The following RAB33A variants were observed in gnomAD, a reference collection of about 807,000 sequenced individuals.
RAB33A encodes ras-related protein Rab-33A.
RAB33A carries 6 observed loss-of-function variants against 12.0 expected under a neutral mutation model. That is an observed-to-expected ratio of 0.50 (90% CI 0.27 to 0.99). RAB33A has a LOEUF of 0.99. RAB33A is among the 50% of genes least tolerant of loss of function. The pLI is 0.11. For missense variants in RAB33A, 109 were observed against 192.0 expected, an observed-to-expected ratio of 0.57 and a Z score of 2.55; for synonymous variants, 70 against 82.4, an observed-to-expected ratio of 0.85 and a Z score of 0.81.
At chrX:130,184,159 G>T in intron 1 of RAB33A, 126 bp from the exon 2 acceptor site, 1 of 620,411 alleles carries the variant, frequency 1.6e-6, no homozygotes, top group Non-Finnish European at 2.5e-6. Flanking sequence ...AAAGTGCTGG[G>T]ATTATAGGCG....
At chrX:130,126,657 G>A in the RAB33A span, among the ~76,000 whole-genome samples, 1 of 111,547 alleles carries the variant, frequency 9.0e-6, no homozygotes, top group East Asian at 2.8e-4. Context: ...GAGATCAGAG[G>A]TTACAAGACA....
At chrX:130,168,133 C>T (rs753343353), upstream of RAB33A, among the ~76,000 whole-genome samples, 3 of 108,129 alleles carry the variant, frequency 2.8e-5, no homozygotes, top group African/African-American at 6.8e-5. Context: ...GCAGTGATTG[C>T]TCCCGTGCAC....
chrX:130,126,289 C>T, the RAB33A span, among the ~76,000 whole-genome samples: 2 of 111,315 alleles, frequency 1.8e-5, no homozygotes, highest in African/African-American at 3.3e-5. Flanking sequence ...GTCAGGAGTT[C>T]GAGACCAGCC....
chrX:130,150,436 C>T, the RAB33A span, among the ~76,000 whole-genome samples: 3 of 96,236 alleles, frequency 3.1e-5, no homozygotes, highest in Admixed American at 1.1e-4. Flanking sequence ...CCCGGGTTCA[C>T]GCCATTCTCC....
the RAB33A span, among the ~76,000 whole-genome samples, chrX:130,114,428 C>T: frequency 8.9e-6 from 1 of 112,370 alleles, no homozygotes; most frequent in Admixed American, 9.4e-5. Flanking sequence ...CCACACGGCT[C>T]GCCGCTCTTC....
At chrX:130,154,244 G>T in the RAB33A span, among the ~76,000 whole-genome samples, 1 of 112,007 alleles carries the variant, frequency 8.9e-6, no homozygotes, top group Non-Finnish European at 1.9e-5. Context: ...TCTAAGGCAG[G>T]AGAAAGGAAC....
At chrX:130,143,696 CA>C in the RAB33A span, among the ~76,000 whole-genome samples, 91 of 99,687 alleles carry the variant, frequency 9.1e-4, 1 homozygote, top group Admixed American at 2.3e-3. Flanking sequence ...ACTAAAAAGA[CA>C]AAAAAAAAAA....
the RAB33A span, among the ~76,000 whole-genome samples, chrX:130,123,197 A>G: frequency 6.2e-5 from 7 of 112,097 alleles, no homozygotes; most frequent in African/African-American, 2.3e-4. Flanking sequence ...TGAAGGTGAG[A>G]GATGACCTAG....
At chrX:130,146,629 G>GA in the RAB33A span, among the ~76,000 whole-genome samples, 1 of 110,015 alleles carries the variant, frequency 9.1e-6, no homozygotes, top group Non-Finnish European at 1.9e-5. Flanking sequence ...TCACTAATGA[G>GA]AAAAAAAATT....
chrX:130,158,802 T>G, the RAB33A span, among the ~76,000 whole-genome samples: 2 of 110,437 alleles, frequency 1.8e-5, no homozygotes, highest in Admixed American at 9.7e-5. Flanking sequence ...TGGACAAGCT[T>G]AGTCTAGAGG....
At chrX:130,133,996 A>T in the RAB33A span, among the ~76,000 whole-genome samples, 8 of 110,869 alleles carry the variant, frequency 7.2e-5, no homozygotes, top group Admixed American at 7.7e-4. Context: ...TAATCCCAGC[A>T]CTTTGGGAGA....
chrX:130,165,604 G>T, the RAB33A span: 1 of 1,203,738 alleles, frequency 8.3e-7, no homozygotes, highest in Non-Finnish European at 1.1e-6. Flanking sequence ...CCGCACCAAG[G>T]GCACCAGCTT....
intron 1 of RAB33A, among the ~76,000 whole-genome samples, chrX:130,174,560 A>G (rs745429568): frequency 8.9e-6 from 1 of 112,561 alleles, no homozygotes; most frequent in Admixed American, 9.4e-5. Context: ...ATACATGCCA[A>G]AGCCATGCTT....
upstream of RAB33A, chrX:130,171,939 GACACAC>G: frequency 1.2e-6 from 1 of 835,406 alleles, no homozygotes. Flanking sequence ...CACACGGGCG[GACACAC>G]ACACACGCGC....
the RAB33A span, among the ~76,000 whole-genome samples, chrX:130,143,733 G>A: frequency 6.4e-5 from 7 of 110,227 alleles, no homozygotes; most frequent in African/African-American, 2.3e-4. Flanking sequence ...GGCGCATGCA[G>A]CTACTTGGGA....
At chrX:130,134,433 C>G in the RAB33A span, among the ~76,000 whole-genome samples, 1 of 110,606 alleles carries the variant, frequency 9.0e-6, no homozygotes, top group Admixed American at 9.7e-5. Flanking sequence ...GAAATGTTTT[C>G]TTAGATTTCT....
At chrX:130,152,092 GGAAGA>G in the RAB33A span, among the ~76,000 whole-genome samples, 1,230 of 105,230 alleles carry the variant, frequency 0.012, 7 homozygotes, top group African/African-American at 0.019. Flanking sequence ...TCCAAAAAAG[GGAAGA>G]GAAGAGAAGA....
At chrX:130,158,704 T>TAAA in the RAB33A span, among the ~76,000 whole-genome samples, 5 of 44,064 alleles carry the variant, frequency 1.1e-4, no homozygotes, top group African/African-American at 4.5e-4. Context: ...GCTGATGAGC[T>TAAA]AAAAAAAAAA....
the RAB33A span, chrX:130,140,738 T>C: frequency 1.7e-6 from 1 of 571,698 alleles, no homozygotes; most frequent in Non-Finnish European, 3.0e-6. Context: ...TGGATTTCAG[T>C]ATATTCACAA....
Sources: allele counts gnomAD v4.1 joint callset (sites outside exome capture counted in the v4.1 genomes callset), GRCh38; gene constraint gnomAD v4.1.1; transcripts MANE v1.5; gene names NCBI Gene and HGNC (gene_info 2026-07-23, HGNC 2026-07-21).